NLN: variants seen among roughly 807,000 people sequenced by gnomAD.
NLN encodes the protein neurolysin, also known as neurolysin, mitochondrial.
NLN carries 64 observed loss-of-function variants against 79.9 expected under a neutral mutation model. The ratio of observed to expected loss-of-function variants is 0.80; its 90% confidence interval spans 0.65 to 0.99. The LOEUF (loss-of-function observed/expected upper bound fraction) is 0.99, where lower values mean the gene tolerates loss of function less well. Ranked by LOEUF, NLN falls within the 50% of genes least tolerant of loss-of-function variation. The probability of loss-of-function intolerance (pLI) is 0.00; values close to 1 mark genes in which losing one functional copy is unlikely to be tolerated. For missense variants in NLN, 835 were observed against 858.7 expected (o/e 0.97, Z 0.34); for synonymous variants, 267 against 296.6 (o/e 0.90, Z 1.02).
intron 3 of NLN, among the ~76,000 whole-genome samples, chr5:65,764,271 G>C (rs1759403647): frequency 6.6e-6 from 1 of 152,114 alleles, no homozygotes; most frequent in African/African-American, 2.4e-5. Flanking sequence ...AGATATGAAA[G>C]GTTTGTCACT....
At chr5:65,741,303 G>T (rs1027563318) in intron 1 of NLN, among the ~76,000 whole-genome samples, 1 of 152,194 alleles carries the variant, frequency 6.6e-6, no homozygotes, top group Non-Finnish European at 1.5e-5. Flanking sequence ...TTTCTGTGAA[G>T]AATGTCATTG....
Position 65,813,458 on chromosome 5 carries a change from T to A in NLN, c.1980+1067T>A, listed in dbSNP as rs1243045012. ...AGTGCCCTTAGGATTCAAAGTGTTC[T>A]GGGGAAGATTGTATGACTCCACTGA... On this transcript the variant is annotated intron_variant, in intron 12 of 12. Coordinates refer to ENST00000380985, the MANE Select transcript of NLN (RefSeq NM_020726.5). Among the ~76,000 whole-genome samples the A allele has an allele frequency of 2.0e-5, 3 of 152,242 alleles. No individual in the cohort carries two copies. The East Asian group carries it at 5.8e-4, about 29-fold the overall frequency.
intron 1 of NLN, among the ~76,000 whole-genome samples, chr5:65,746,141 G>A (rs573864788): frequency 8.5e-5 from 13 of 152,242 alleles, no homozygotes; most frequent in African/African-American, 3.1e-4. Flanking sequence ...AACAGGCATG[G>A]TGTGCAAGAT....
At chr5:65,763,486 T>TC (rs1759383693) in intron 3 of NLN, among the ~76,000 whole-genome samples, 1 of 152,212 alleles carries the variant, frequency 6.6e-6, no homozygotes, top group Non-Finnish European at 1.5e-5. Flanking sequence ...GACATACTGT[T>TC]GATGCTGTAT....
intron 12 of NLN, among the ~76,000 whole-genome samples, chr5:65,820,783 T>G (rs1760775720): frequency 6.6e-6 from 1 of 152,072 alleles, no homozygotes. Context: ...AGCTCACACC[T>G]GTAATCCCAG....
At chr5:65,804,585 A>C (rs946929991) in intron 9 of NLN, among the ~76,000 whole-genome samples, 3 of 152,180 alleles carry the variant, frequency 2.0e-5, no homozygotes, top group African/African-American at 7.2e-5. Flanking sequence ...GTTGGAGTCC[A>C]GTGGTGCAGT....
rs186017096 is a variant in NLN at position 65,725,183 on chromosome 5, G to C, written c.41+2769G>C. ...TAACTGGATTCTTATGTCTGCCTCT[G>C]CATTTAAGCTGCTGCACTGTTTCAT... On this transcript the variant is annotated intron_variant, in intron 1 of 12. Transcript: ENST00000380985. 4.9e-4 allele frequency among the ~76,000 whole-genome samples: 75 copies of C among 152,280 alleles called. 1 individual carries two copies. The highest frequency in any genetic ancestry group is 5.1e-4 in the Non-Finnish European group (35 of 68,016).
chr5:65,827,920 G>A lies in NLN; in HGVS notation c.*5005G>A, dbSNP rs1453704284. On this transcript the variant is annotated 3_prime_UTR_variant, in exon 13 of 13. Coordinates refer to ENST00000380985, the MANE Select transcript of NLN (RefSeq NM_020726.5). ...TACTCCCAGCTACTCAGGAGGCTGA[G>A]GCAGAAGAATCATTTGAACCCCGGA... is the stretch of plus-strand genomic sequence containing the variant. 1 of 152,244 alleles carries A rather than the reference G, an allele frequency of 6.6e-6. No homozygotes were observed. Among genetic ancestry groups the A allele is most frequent in the Admixed American group, 6.5e-5 (1 of 15,284 alleles). 9.4% of individuals were successfully genotyped at this position (152,244 alleles called of 1,614,324 possible).
chr5:65,791,059 A>G (rs1760046776), intron 8 of NLN, among the ~76,000 whole-genome samples: 1 of 152,220 alleles, frequency 6.6e-6, no homozygotes, highest in Non-Finnish European at 1.5e-5. Flanking sequence ...TGTTCTCTTC[A>G]TAAAGGTAAA....
At position 65,826,440 on chromosome 5, in the gene NLN, A is replaced by G. The variant is rs1226777271; in HGVS notation, c.*3525A>G. The G allele has an allele frequency of 2.0e-5, 3 of 152,260 alleles. No individual in the cohort carries two copies. Among genetic ancestry groups the G allele is most frequent in the Non-Finnish European group, 4.4e-5 (3 of 68,064 alleles). The allele number at this position is 152,260 out of a possible 1,614,324, so 9.4% of individuals were successfully genotyped here. ...CCTCAAATAGGGTTTAAACATAGTT[A>G]ACTGAGCCCCCAAAGAATGTTAAAA... On this transcript the variant is annotated 3_prime_UTR_variant, in exon 13 of 13. Coordinates refer to ENST00000380985, the MANE Select transcript of NLN (RefSeq NM_020726.5).
At chr5:65,779,496 C>T (rs953478348) in intron 4 of NLN, among the ~76,000 whole-genome samples, 26 of 152,088 alleles carry the variant, frequency 1.7e-4, no homozygotes, top group Admixed American at 1.4e-3. Context: ...ACCTTTTCCC[C>T]GAAGCAACAA....
intron 1 of NLN, among the ~76,000 whole-genome samples, chr5:65,728,928 C>T (rs1377268371): frequency 2.0e-5 from 3 of 152,162 alleles, no homozygotes; most frequent in East Asian, 1.9e-4. Context: ...ACTGCAGCCT[C>T]GACCTCCCGG....
intron 1 of NLN, among the ~76,000 whole-genome samples, chr5:65,748,030 G>A (rs563818766): frequency 9.4e-4 from 143 of 152,174 alleles, no homozygotes; most frequent in African/African-American, 3.3e-3. Flanking sequence ...GTGAAACCCC[G>A]TCTCTACTAA....
In NLN at chr5:65,792,474, C is replaced by T. The variant is rs780180376; in HGVS notation, c.1346C>T (p.Ala449Val). The T allele has an allele frequency of 3.1e-6, 5 of 1,613,406 alleles. No homozygotes were observed. Among genetic ancestry groups the T allele is most frequent in the East Asian group, 4.5e-5 (2 of 44,878 alleles). The change falls in exon 9 of 13, where the codon GCG becomes GTG. Residue 449 changes from alanine (A) to valine (V), a missense_variant. By Grantham distance (64) the Ala-to-Val change is moderately conservative (BLOSUM62 0). Transcript: ENST00000380985. ...CCTAGGGAAGGAAAATACAATCATG[C>T]GGCCTGCTTCGGTCTCCAGCCTGGC... ...LYPREGKYNH[A>V]ACFGLQPGCL...
chr5:65,747,946 A>G (rs906651147), intron 1 of NLN, among the ~76,000 whole-genome samples: 1 of 152,226 alleles, frequency 6.6e-6, no homozygotes, highest in Non-Finnish European at 1.5e-5. Context: ...CACACCTGTA[A>G]TCCTAGCACT....
chr5:65,792,965 A>C, intron 9 of NLN: 1 of 401,414 alleles, frequency 2.5e-6, no homozygotes. Context: ...ATTTGATATA[A>C]ATTTCTCAGA....
intron 3 of NLN, among the ~76,000 whole-genome samples, chr5:65,776,088 A>G (rs1237462364): frequency 6.6e-6 from 1 of 152,122 alleles, no homozygotes; most frequent in Admixed American, 6.5e-5. Context: ...CCCCGTCTCT[A>G]CTAAAAATGC....
intron 1 of NLN, among the ~76,000 whole-genome samples, chr5:65,742,309 T>C (rs892992856): frequency 2.0e-5 from 3 of 152,198 alleles, no homozygotes; most frequent in Non-Finnish European, 4.4e-5. Flanking sequence ...ATTAAGGATG[T>C]ATGTGGCACT....
intron 1 of NLN, among the ~76,000 whole-genome samples, chr5:65,723,351 G>A (rs1401185483): frequency 1.3e-5 from 2 of 152,166 alleles, no homozygotes; most frequent in East Asian, 3.8e-4. Flanking sequence ...GCAGGCAGGC[G>A]ACAGTGGTTA....
Sources: allele counts gnomAD v4.1 joint callset (sites outside exome capture counted in the v4.1 genomes callset), GRCh38; gene constraint gnomAD v4.1.1; transcripts MANE v1.5; gene names NCBI Gene and HGNC (gene_info 2026-07-23, HGNC 2026-07-21).